The following RAB40B variants were observed in gnomAD, a reference collection of about 807,000 sequenced individuals.
RAB40B encodes the protein ras-related protein Rab-40B.
Under a neutral mutation model 24.0 loss-of-function variants are expected in RAB40B, and 21 were observed. The observed-to-expected ratio is 0.88, with a 90% CI of 0.62 to 1.26. The LOEUF is 1.26. Ranked by LOEUF, RAB40B falls within the 50% of genes most tolerant of loss-of-function variation. The pLI, the probability that RAB40B is intolerant of heterozygous loss-of-function variation, is 0.00. For missense variants in RAB40B, 348 were observed against 390.5 expected (o/e 0.89, Z 0.92); for synonymous variants, 167 against 169.8 (o/e 0.98, Z 0.13).
intron 2 of RAB40B, among the ~76,000 whole-genome samples, chr17:82,662,907 G>C (rs1186654932): frequency 6.6e-6 from 1 of 152,230 alleles, no homozygotes; most frequent in Non-Finnish European, 1.5e-5. Flanking sequence ...ACTGAGCTCA[G>C]GGGCAGGCGT....
At position 82,655,285 on chromosome 17, in the gene RAB40B, C is replaced by G. The variant is rs1161338187; in HGVS notation, c.*2578G>C. Reference sequence around the variant, plus strand: ...TCGGGGAGCCTCCTTGCTACATGTTCCGCTTCTGGGGACTTCTGGTGGTGT... The same window carrying G: ...TCGGGGAGCCTCCTTGCTACATGTTGCGCTTCTGGGGACTTCTGGTGGTGT... On this transcript the variant is annotated 3_prime_UTR_variant, in exon 6 of 6. Transcript: ENST00000571995. The G allele has an allele frequency of 6.6e-6, 1 of 151,948 alleles. No individual in the cohort carries two copies. Among genetic ancestry groups the G allele is most frequent in the East Asian group, 1.9e-4 (1 of 5,182 alleles). The allele number at this position is 151,948 out of a possible 1,614,324, so 9.4% of individuals were successfully genotyped here.
intron 1 of RAB40B, among the ~76,000 whole-genome samples, chr17:82,668,535 C>T (rs539197221): frequency 2.0e-5 from 3 of 152,268 alleles, no homozygotes; most frequent in Non-Finnish European, 4.4e-5. Flanking sequence ...TGTTCAACAG[C>T]GCCCAGTCCC....
At chr17:82,683,280 T>C (rs1351818182) in intron 1 of RAB40B, among the ~76,000 whole-genome samples, 1 of 152,176 alleles carries the variant, frequency 6.6e-6, no homozygotes, top group Non-Finnish European at 1.5e-5. Context: ...GATATGACAT[T>C]AAAAGGATGG....
intron 2 of RAB40B, 128 bp downstream of exon 2, chr17:82,664,368 G>A (rs576970492): frequency 5.2e-5 from 43 of 829,002 alleles, no homozygotes; most frequent in South Asian, 2.8e-4. Context: ...GGGTGTTCCC[G>A]GGGGCGCTGT....
At chr17:82,660,683 CAT>C (rs565072249) in intron 3 of RAB40B, among the ~76,000 whole-genome samples, 21,699 of 114,284 alleles carry the variant, frequency 0.19, 1,647 homozygotes, top group South Asian at 0.31. Flanking sequence ...CCTGCACACA[CAT>C]GTACACACAC....
chr17:82,677,589 G>A (rs1002993623), intron 1 of RAB40B, among the ~76,000 whole-genome samples: 2 of 152,156 alleles, frequency 1.3e-5, no homozygotes, highest in Admixed American at 6.5e-5. Context: ...CTGTCCCTGT[G>A]GACTCGGCCT....
chr17:82,681,291 T>A (rs1303745157), intron 1 of RAB40B, among the ~76,000 whole-genome samples: 1 of 152,074 alleles, frequency 6.6e-6, no homozygotes, highest in African/African-American at 2.4e-5. Context: ...CTAGGGAACA[T>A]AACTTACCTA....
chr17:82,660,568 G>A (rs909843600), intron 3 of RAB40B, among the ~76,000 whole-genome samples: 42 of 134,516 alleles, frequency 3.1e-4, no homozygotes, highest in South Asian at 3.1e-3. Context: ...ACACACACAC[G>A]CACAGGCACT....
intron 1 of RAB40B, among the ~76,000 whole-genome samples, chr17:82,674,049 G>A (rs1046739672): frequency 2.0e-5 from 3 of 152,116 alleles, no homozygotes; most frequent in Non-Finnish European, 4.4e-5. Flanking sequence ...ACTAGAAAAC[G>A]CAACAACCTG....
intron 2 of RAB40B, among the ~76,000 whole-genome samples, chr17:82,664,128 G>A (rs958423084): frequency 7.1e-6 from 1 of 140,272 alleles, no homozygotes; most frequent in African/African-American, 3.0e-5. Context: ...GTGCTCCCTG[G>A]GGTGCTGTGC....
chr17:82,655,174 A>G lies in RAB40B; in HGVS notation c.*2689T>C, dbSNP rs1349168251. 6.6e-6 allele frequency: 1 copy of G among 152,112 alleles called. No individual in the cohort carries two copies. The highest frequency in any genetic ancestry group is 1.5e-5 in the Non-Finnish European group (1 of 68,038). 9.4% of individuals were successfully genotyped at this position (152,112 alleles called of 1,614,324 possible). On this transcript the variant is annotated 3_prime_UTR_variant, in exon 6 of 6. Transcript: ENST00000571995. ...AATCGCCACAAACCTGGTGACTTAA[A>G]TAACAAATATTTATTTTCTCGTAGC...
intron 1 of RAB40B, among the ~76,000 whole-genome samples, chr17:82,687,318 T>C (rs1218384067): frequency 6.6e-6 from 1 of 152,228 alleles, no homozygotes; most frequent in Non-Finnish European, 1.5e-5. Flanking sequence ...TAATAACTTC[T>C]GGCCTTATGT....
chr17:82,685,475 G>C (rs575934145), intron 1 of RAB40B, among the ~76,000 whole-genome samples: 7 of 152,276 alleles, frequency 4.6e-5, no homozygotes, highest in Admixed American at 2.0e-4. Flanking sequence ...GAGCTGTGTA[G>C]CCCGTAGGGT....
chr17:82,659,239 C>T (rs1403748257), intron 4 of RAB40B: 6 of 334,244 alleles, frequency 1.8e-5, no homozygotes, highest in Middle Eastern at 8.9e-4. Flanking sequence ...GGCTGGTCTG[C>T]GTGCCAGCAG....
At chr17:82,681,983 A>G (rs2143529766) in intron 1 of RAB40B, among the ~76,000 whole-genome samples, 1 of 152,326 alleles carries the variant, frequency 6.6e-6, no homozygotes. Flanking sequence ...CCATGAAAAT[A>G]TCCACTCTTA....
intron 1 of RAB40B, among the ~76,000 whole-genome samples, chr17:82,676,440 C>G (rs570990011): frequency 6.7e-6 from 1 of 148,466 alleles, no homozygotes; most frequent in African/African-American, 2.5e-5. Flanking sequence ...CAGCCTCTCC[C>G]CCCCCACACA....
At chr17:82,664,686 C>T in intron 1 of RAB40B, 130 bp from the exon 2 acceptor site, 2 of 858,810 alleles carry the variant, frequency 2.3e-6, no homozygotes, top group South Asian at 1.6e-5. Context: ...CGGATGGGAC[C>T]CCCTCCCTGT....
chr17:82,676,407 G>C (rs1428202366), intron 1 of RAB40B, among the ~76,000 whole-genome samples: 1 of 149,724 alleles, frequency 6.7e-6, no homozygotes, highest in Non-Finnish European at 1.5e-5. Flanking sequence ...CACCCACAGA[G>C]TGAGGGCACC....
chr17:82,664,305 G>T (rs2046224839), intron 2 of RAB40B, among the ~76,000 whole-genome samples, 191 bp downstream of exon 2: 1 of 142,434 alleles, frequency 7.0e-6, no homozygotes, highest in Non-Finnish European at 1.5e-5. Flanking sequence ...TGTGCTGATG[G>T]TGGTGGGGCT....
Sources: gnomAD v4.1 joint callset for allele counts (sites outside exome capture counted in the v4.1 genomes callset) on GRCh38, gnomAD v4.1.1 for gene constraint, MANE v1.5 for transcripts, NCBI Gene and HGNC (gene_info 2026-07-23, HGNC 2026-07-21) for gene names.